The following BAG3 variants were observed in gnomAD, a reference collection of about 807,000 sequenced individuals.
BAG3 encodes the protein BAG cochaperone 3.
BAG3 carries 14 observed loss-of-function variants against 40.5 expected under a neutral mutation model. That is an observed-to-expected ratio of 0.35 (90% CI 0.23 to 0.54). BAG3 has a LOEUF of 0.54. BAG3 is among the 20% of genes least tolerant of loss of function. The pLI is 0.91. For synonymous variants in BAG3, 302 were observed against 307.8 expected, an observed-to-expected ratio of 0.98 and a Z score of 0.20; for missense variants, 788 against 758.6, an observed-to-expected ratio of 1.04 and a Z score of -0.46.
chr10:119,669,483 C>T (rs945069289), intron 1 of BAG3, among the ~76,000 whole-genome samples: 1 of 152,194 alleles, frequency 6.6e-6, no homozygotes, highest in African/African-American at 2.4e-5. Flanking sequence ...CTGACCCCTG[C>T]TCCTGGAGCT....
At chr10:119,675,845 T>TCCCCCTTGCCCCCTTCTCC in intron 3 of BAG3, among the ~76,000 whole-genome samples, 1 of 48,482 alleles carries the variant, frequency 2.1e-5, no homozygotes, top group Non-Finnish European at 3.8e-5. Flanking sequence ...CTTCCCTCCT[T>TCCCCCTTGCCCCCTTCTCC]CCTTCCTGCC....
chr10:119,673,928 C>T (rs151105557), intron 3 of BAG3, among the ~76,000 whole-genome samples: 240 of 152,330 alleles, frequency 1.6e-3, no homozygotes, highest in African/African-American at 5.4e-3. Flanking sequence ...AAGACATTCT[C>T]GTTCATAACC....
chr10:119,655,545 G>A (rs144288520), intron 1 of BAG3, among the ~76,000 whole-genome samples: 21 of 152,276 alleles, frequency 1.4e-4, no homozygotes, highest in African/African-American at 4.3e-4. Context: ...AGATGAGATC[G>A]TTTTGCTCTT....
intron 3 of BAG3, among the ~76,000 whole-genome samples, chr10:119,675,796 T>TCCC (rs1847214630): frequency 6.0e-5 from 1 of 16,796 alleles, no homozygotes; most frequent in Non-Finnish European, 1.3e-4. Flanking sequence ...CCTTCCCCCC[T>TCCC]TCCCCTTCCC....
In BAG3 at chr10:119,672,481, C is replaced by A; in HGVS notation, c.734C>A (p.Pro245His). 6.2e-7 allele frequency: 1 copy of A among 1,614,240 alleles called. No individual in the cohort carries two copies. Among genetic ancestry groups the A allele is most frequent in the African/African-American group, 1.3e-5 (1 of 75,062 alleles). The change falls in exon 3 of 4, where the codon CCT becomes CAT. Residue 245 changes from proline (P) to histidine (H), a missense_variant. Physicochemically the swap from Pro to His is moderately conservative, Grantham distance 77. Transcript: ENST00000369085. The surrounding 1 kb of genome is among the most constrained non-coding windows in gnomAD (Gnocchi z 4.8). ...CAGGGGGAGTACCAGACCCACCAGC[C>A]TGTGTACCACAAGATCCAGGGGGAT... ...AQQGEYQTHQ[P>H]VYHKIQGDDW...
intron 1 of BAG3, among the ~76,000 whole-genome samples, chr10:119,665,943 C>G (rs1332737886): frequency 6.6e-6 from 1 of 152,148 alleles, no homozygotes; most frequent in African/African-American, 2.4e-5. Flanking sequence ...GAATACAGAC[C>G]TCGGGACTGT....
At chr10:119,663,293 TTTGTTTTTTTGTTG>T (rs1286375571) in intron 1 of BAG3, among the ~76,000 whole-genome samples, 1 of 145,372 alleles carries the variant, frequency 6.9e-6, no homozygotes, top group African/African-American at 2.4e-5. Context: ...TGTTTTTGGT[TTTGTTTTTTTGTTG>T]TTGTTTTTTT....
At chr10:119,670,951 C>A (rs554208705) in intron 2 of BAG3, among the ~76,000 whole-genome samples, 1 of 152,282 alleles carries the variant, frequency 6.6e-6, no homozygotes, top group Non-Finnish European at 1.5e-5. Flanking sequence ...CCTATCTGCA[C>A]CCTGAGTCAT....
chr10:119,652,889 T>C (rs1846863202), intron 1 of BAG3, among the ~76,000 whole-genome samples: 1 of 152,252 alleles, frequency 6.6e-6, no homozygotes. Context: ...TTAGTTATAC[T>C]ATTCTTTCAA....
At position 119,668,265 on chromosome 10, in the gene BAG3, G is replaced by A. The variant is rs913985796; in HGVS notation, c.181-1586G>A. 3.9e-5 allele frequency among the ~76,000 whole-genome samples: 6 copies of A among 152,312 alleles called. No homozygotes were observed. The East Asian group carries it at 1.2e-3, about 29-fold the overall frequency. On this transcript the variant is annotated intron_variant, in intron 1 of 3. Coordinates refer to ENST00000369085, the MANE Select transcript of BAG3 (RefSeq NM_004281.4). ...GCTAAACCAGGGTCAGCCACCTGGT[G>A]CCCACGCCTGCACACAAATAGAAAC... is the stretch of plus-strand genomic sequence containing the variant.
chr10:119,674,033 TC>T (rs1452859243), intron 3 of BAG3, among the ~76,000 whole-genome samples: 9 of 152,328 alleles, frequency 5.9e-5, no homozygotes, highest in African/African-American at 2.2e-4. Flanking sequence ...TGCCCCCACT[TC>T]CAGGATGTCT....
chr10:119,669,705 G>C lies in BAG3; in HGVS notation c.181-146G>C, dbSNP rs1427180057. On this transcript the variant is annotated intron_variant, in intron 1 of 3. Transcript: ENST00000369085. ...ACCTCTATGGGGTGGGGGGTTTGGA[G>C]GGTACAGGGGCTGGGAGCTGGCTGA... The C allele has an allele frequency of 1.2e-5, 10 of 834,282 alleles. No individual in the cohort carries two copies. The Admixed American group carries it at 1.8e-4, about 15-fold the overall frequency. The allele number at this position is 834,282 out of a possible 1,614,324, so 51.7% of individuals were successfully genotyped here.
In BAG3 at chr10:119,677,546, G is replaced by A; in HGVS notation, c.*264G>A. 1.8e-6 allele frequency: 1 copy of A among 544,800 alleles called. No individual in the cohort carries two copies. The highest frequency in any genetic ancestry group is 3.3e-6 in the Non-Finnish European group (1 of 305,310). The allele number at this position is 544,800 out of a possible 1,614,324, so 33.7% of individuals were successfully genotyped here. The stretch of plus-strand genomic sequence containing the variant: ...TGTTGTTCTGCAGCCCTGTCTACTT[G>A]GGCACCCCCACCACCTGTTAGCTGT... On this transcript the variant is annotated 3_prime_UTR_variant, in exon 4 of 4. Coordinates refer to ENST00000369085, the MANE Select transcript of BAG3 (RefSeq NM_004281.4).
chr10:119,660,073 A>G (rs1846971687), intron 1 of BAG3, among the ~76,000 whole-genome samples: 1 of 152,142 alleles, frequency 6.6e-6, no homozygotes, highest in African/African-American at 2.4e-5. Flanking sequence ...CTGGATGCTG[A>G]CTCAGGTGCC....
intron 1 of BAG3, among the ~76,000 whole-genome samples, chr10:119,661,202 G>A (rs1331137735): frequency 6.6e-6 from 1 of 152,242 alleles, no homozygotes; most frequent in Non-Finnish European, 1.5e-5. Context: ...GGAGGTTGCA[G>A]TGAGCTGAGA....
chr10:119,660,046 C>T (rs968399230), intron 1 of BAG3, among the ~76,000 whole-genome samples: 20 of 152,156 alleles, frequency 1.3e-4, no homozygotes, highest in African/African-American at 4.8e-4. Flanking sequence ...GGCTGCAGGG[C>T]TGGGGCTGCA....
intron 1 of BAG3, among the ~76,000 whole-genome samples, chr10:119,660,644 G>A (rs900254523): frequency 7.2e-5 from 11 of 152,092 alleles, no homozygotes; most frequent in Admixed American, 3.9e-4. Context: ...CCGGGAGTTC[G>A]AGAGCAGCCT....
rs181387125 is a variant in BAG3, at chr10:119,660,864, C to T, written c.181-8987C>T. Among the ~76,000 whole-genome samples the T allele has an allele frequency of 4.6e-5, 7 of 152,264 alleles. No homozygotes were observed. In the East Asian group the frequency reaches 1.4e-3, roughly 29 times the overall value. On this transcript the variant is annotated intron_variant, in intron 1 of 3. Transcript: ENST00000369085. ...ATCCCAGCACTTTGGGAGGCTGAGG[C>T]AGGAAGATCACTTGAGATCAGAAGT...
chr10:119,665,042 C>T (rs924510851), intron 1 of BAG3, among the ~76,000 whole-genome samples: 21 of 148,336 alleles, frequency 1.4e-4, no homozygotes, highest in African/African-American at 5.0e-4. Flanking sequence ...CTCAGCCTCC[C>T]GAGTAGCTGG....
Sources: allele counts gnomAD v4.1 joint callset (sites outside exome capture counted in the v4.1 genomes callset), GRCh38; gene constraint gnomAD v4.1.1; non-coding constraint Gnocchi (gnomAD v3.1); transcripts MANE v1.5; gene names NCBI Gene and HGNC (gene_info 2026-07-23, HGNC 2026-07-21).